Variants in ABTB3 observed in about 807,000 individuals in gnomAD.
ABTB3 encodes ankyrin repeat- and BTB/POZ domain-containing protein 3.
At chr12:107,421,095 A>G in the ABTB3 span, among the ~76,000 whole-genome samples, 1 of 152,160 alleles carries the variant, frequency 6.6e-6, no homozygotes, top group African/African-American at 2.4e-5. Context: ...TACATTTCTC[A>G]ATGTGCTGAG....
At chr12:107,601,793 T>C in the ABTB3 span, among the ~76,000 whole-genome samples, 1 of 152,264 alleles carries the variant, frequency 6.6e-6, no homozygotes, top group Admixed American at 6.5e-5. Flanking sequence ...AAGTTCGTAT[T>C]TGTAAAAAGC....
At chr12:107,395,627 C>A in the ABTB3 span, among the ~76,000 whole-genome samples, 2 of 152,326 alleles carry the variant, frequency 1.3e-5, no homozygotes, top group Non-Finnish European at 2.9e-5. Flanking sequence ...CTCCTACTCA[C>A]CCAGTGAGAG....
the ABTB3 span, among the ~76,000 whole-genome samples, chr12:107,372,072 A>G: frequency 6.6e-6 from 1 of 152,236 alleles, no homozygotes; most frequent in Admixed American, 6.5e-5. Flanking sequence ...GAAGACCTAT[A>G]TCTGAAAAAG....
chr12:107,655,404 G>A, the ABTB3 span, among the ~76,000 whole-genome samples: 1 of 152,126 alleles, frequency 6.6e-6, no homozygotes, highest in Non-Finnish European at 1.5e-5. Flanking sequence ...TCACTTGGAG[G>A]GCAGGGCAAA....
At chr12:107,440,161 G>A in the ABTB3 span, among the ~76,000 whole-genome samples, 105 of 152,298 alleles carry the variant, frequency 6.9e-4, no homozygotes, top group Non-Finnish European at 2.1e-4. Flanking sequence ...CTTCATCACT[G>A]CGGTCAGCAT....
the ABTB3 span, among the ~76,000 whole-genome samples, chr12:107,359,885 G>A: frequency 6.6e-6 from 1 of 152,100 alleles, no homozygotes; most frequent in Non-Finnish European, 1.5e-5. Flanking sequence ...CCAGCCTATG[G>A]TTTGGGCACC....
At chr12:107,542,655 C>A in the ABTB3 span, among the ~76,000 whole-genome samples, 1 of 152,156 alleles carries the variant, frequency 6.6e-6, no homozygotes, top group Non-Finnish European at 1.5e-5. Context: ...TAACTTTTGA[C>A]TCCCCAAAAG....
chr12:107,624,743 C>A, the ABTB3 span, among the ~76,000 whole-genome samples: 2 of 152,194 alleles, frequency 1.3e-5, no homozygotes, highest in Non-Finnish European at 2.9e-5. Context: ...TGTTGAAGGA[C>A]ATCGGAGTTG....
chr12:107,520,632 A>T, the ABTB3 span: 1 of 1,614,038 alleles, frequency 6.2e-7, no homozygotes. Context: ...GCATCGCCGA[A>T]TTGAGTAAGT....
the ABTB3 span, among the ~76,000 whole-genome samples, chr12:107,445,488 C>G: frequency 6.6e-6 from 1 of 152,128 alleles, no homozygotes; most frequent in Admixed American, 6.5e-5. Context: ...TCCTGTGAGC[C>G]ATGCTGAGGA....
chr12:107,570,211 C>T, the ABTB3 span, among the ~76,000 whole-genome samples: 12 of 146,606 alleles, frequency 8.2e-5, no homozygotes, highest in South Asian at 1.8e-3. Context: ...TCGTTGTTAA[C>T]TTTCTTTTAT....
At chr12:107,659,490 G>A in the ABTB3 span, 1 of 152,254 alleles carries the variant, frequency 6.6e-6, no homozygotes, top group African/African-American at 2.4e-5. Flanking sequence ...ATGCTGCGTG[G>A]ATGTTTCCTT....
chr12:107,606,059 T>G, the ABTB3 span, among the ~76,000 whole-genome samples: 1 of 152,112 alleles, frequency 6.6e-6, no homozygotes, highest in African/African-American at 2.4e-5. Context: ...TGAGCTCAAG[T>G]AGGCAGCTAT....
At chr12:107,480,347 G>A in the ABTB3 span, among the ~76,000 whole-genome samples, 1 of 152,166 alleles carries the variant, frequency 6.6e-6, no homozygotes, top group Non-Finnish European at 1.5e-5. Context: ...GGAAGAGCAT[G>A]CCCACAGCTG....
the ABTB3 span, among the ~76,000 whole-genome samples, chr12:107,527,782 T>A: frequency 1.6e-3 from 247 of 152,350 alleles, 6 homozygotes; most frequent in East Asian, 0.041. Flanking sequence ...CTGTACCTAA[T>A]GACCTGGATT....
At chr12:107,609,046 G>T in the ABTB3 span, among the ~76,000 whole-genome samples, 1 of 151,790 alleles carries the variant, frequency 6.6e-6, no homozygotes, top group Non-Finnish European at 1.5e-5. Flanking sequence ...TCTCCCCCAC[G>T]AAGGCTTGCT....
At chr12:107,347,893 G>T in the ABTB3 span, among the ~76,000 whole-genome samples, 1 of 152,078 alleles carries the variant, frequency 6.6e-6, no homozygotes, top group Non-Finnish European at 1.5e-5. Context: ...AAAGTATAAT[G>T]CAGGGTGGTA....
At chr12:107,445,056 C>A in the ABTB3 span, among the ~76,000 whole-genome samples, 1 of 152,210 alleles carries the variant, frequency 6.6e-6, no homozygotes, top group Non-Finnish European at 1.5e-5. Flanking sequence ...TGGCTCTCCC[C>A]CCAGCCTGGG....
At chr12:107,646,820 C>T in the ABTB3 span, among the ~76,000 whole-genome samples, 3 of 152,116 alleles carry the variant, frequency 2.0e-5, no homozygotes, top group Non-Finnish European at 2.9e-5. Context: ...GGATGATGCA[C>T]GATTGCCTGA....
Sources: allele counts gnomAD v4.1 joint callset (sites outside exome capture counted in the v4.1 genomes callset), GRCh38; gene constraint gnomAD v4.1.1; transcripts MANE v1.5; gene names NCBI Gene and HGNC (gene_info 2026-07-23, HGNC 2026-07-21).